The following CCDC188 variants were observed in gnomAD, a reference collection of about 807,000 sequenced individuals.
CCDC188 encodes coiled-coil domain containing 188, also known as coiled-coil domain-containing protein 188.
CCDC188 carries 37 observed loss-of-function variants against 50.7 expected under a neutral mutation model. The observed-to-expected ratio is 0.73, with a 90% CI of 0.56 to 0.96. The LOEUF is 0.96. CCDC188 is among the 40% of genes least tolerant of loss of function. The probability of loss-of-function intolerance (pLI) is 0.00; values close to 1 mark genes in which losing one functional copy is unlikely to be tolerated. For synonymous variants in CCDC188, 208 were observed against 228.0 expected, an observed-to-expected ratio of 0.91 and a Z score of 0.79; for missense variants, 453 against 512.9, an observed-to-expected ratio of 0.88 and a Z score of 1.13.
chr22:20,150,938 A>G lies in CCDC188; in HGVS notation c.49T>C (p.Cys17Arg). 7.8e-7 allele frequency: 1 copy of G among 1,279,814 alleles called. No homozygotes were observed. Among genetic ancestry groups the G allele is most frequent in the Non-Finnish European group, 1.0e-6 (1 of 969,942 alleles). 79.3% of individuals were successfully genotyped at this position (1,279,814 alleles called of 1,614,324 possible). Residue 17 changes from cysteine to arginine, a missense_variant, in exon 1 of 9, where the codon TGT becomes CGT. Cys to Arg is a radical substitution (Grantham distance 180, BLOSUM62 -3). Transcript: ENST00000439765. ...CTGCTGGAGGCTGGGGTTGGGGGAC[A>G]CTGGGGGTGGGGGTGGCCGCAGGGG... Reference protein sequence around the residue: ...LGPCGHPHPQCPPTPASSSHG... With the variant: ...LGPCGHPHPQRPPTPASSSHG...
rs1429825545 is a variant in CCDC188 at position 20,150,605 on chromosome 22, G to A, written c.382C>T (p.Pro128Ser). 42 of 1,545,220 alleles carry A rather than the reference G, an allele frequency of 2.7e-5. No individual in the cohort carries two copies. The East Asian group carries it at 9.6e-4, about 35-fold the overall frequency. ...QGGSIGSGTR[P>S]CPCPPLSREG... is the part of the protein sequence containing the mutation. ...CGTGACAGGGGTGGGCATGGGCAGG[G>A]TCTGGTCCCTGAGCCAATGGATCCC... is the stretch of plus-strand genomic sequence containing the variant. Residue 128 changes from proline (P) to serine (S), a missense_variant, in exon 1 of 9, where the codon CCC (proline) becomes TCC (serine). By Grantham distance (74) the Pro-to-Ser change is moderately conservative. Coordinates refer to ENST00000439765, the MANE Select transcript of CCDC188 (RefSeq NM_001365892.2).
At chr22:20,149,524 C>A (rs9606265) in intron 5 of CCDC188, 48 bp from the exon 6 acceptor site, 1 of 1,549,900 alleles carries the variant, frequency 6.5e-7, no homozygotes, top group South Asian at 1.2e-5. Context: ...CCCCGCCCTC[C>A]GTGGCCTCTC....
At position 20,150,862 on chromosome 22, in the gene CCDC188, C is replaced by T. The variant is rs1381630129; in HGVS notation, c.125G>A (p.Cys42Tyr). The T allele has an allele frequency of 6.0e-6, 9 of 1,512,270 alleles. No individual in the cohort carries two copies. The South Asian group carries it at 7.3e-5, about 12-fold the overall frequency. 93.7% of individuals were successfully genotyped at this position (1,512,270 alleles called of 1,614,324 possible). The change falls in exon 1 of 9, where the codon TGC becomes TAC. Residue 42 changes from cysteine to tyrosine, a missense_variant. Physicochemically the swap from Cys to Tyr is radical, Grantham distance 194 (BLOSUM62 -2). Transcript: ENST00000439765. ...GTGAGCAGAGGAGATGGGGCCCAGG[C>T]AGGGCCACCCTACAAATCCCTGGCA... ...QPCQGFVGWP[C>Y]LGPISSAHSV...
At position 20,150,906 on chromosome 22, in the gene CCDC188, T is replaced by C; in HGVS notation, c.81A>G (p.Gly27=). The C allele has an allele frequency of 7.6e-7, 1 of 1,315,574 alleles. No individual in the cohort carries two copies. Among genetic ancestry groups the C allele is most frequent in the Non-Finnish European group, 1.0e-6 (1 of 992,274 alleles). The allele number at this position is 1,315,574 out of a possible 1,614,324, so 81.5% of individuals were successfully genotyped here. ...CPPTPASSSH[G]GGLDQPCQGF... ...CCTGGCAGGGCTGGTCCAGGCCTCC[T>C]CCATGGCTGCTGGAGGCTGGGGTTG... The change falls in exon 1 of 9, where the codon GGA becomes GGG. Residue 27 remains glycine, a synonymous_variant. Transcript: ENST00000439765.
In CCDC188 at chr22:20,150,015, A is replaced by G; in HGVS notation, c.672T>C (p.Pro224=). The change falls in exon 3 of 9, where the codon CCT becomes CCC. Residue 224 remains proline (P), a synonymous_variant. Transcript: ENST00000439765. ...ACAGCTCCCGCCGCAGCAGCTGCAG[A>G]GGTGCCCTGTTCCCCAAGGGCTGCG... is the stretch of plus-strand genomic sequence containing the variant. ...AGTQPLGNRA[P]LQLLRRELCQ... is the part of the protein sequence containing the mutation. 1 of 1,548,342 alleles carries G rather than the reference A, an allele frequency of 6.5e-7. No individual in the cohort carries two copies.
In CCDC188 at chr22:20,149,405, G is replaced by A. The variant is rs184034836; in HGVS notation, c.914+7C>T. On this transcript the variant is annotated splice_region_variant and intron_variant, in intron 6 of 8. Transcript: ENST00000439765. ...CTCAGCTGGCCCGGCCCCTGCCCCC[G>A]TGTTACCTGAGAATCTCCAGCTGGA... The A allele has an allele frequency of 2.6e-5, 40 of 1,550,216 alleles. No individual in the cohort carries two copies. Among genetic ancestry groups the A allele is most frequent in the East Asian group, 1.5e-4 (6 of 40,896 alleles).
chr22:20,149,368 T>G, intron 6 of CCDC188, 44 bp downstream of exon 6: 1 of 1,549,202 alleles, frequency 6.5e-7, no homozygotes, highest in Non-Finnish European at 8.7e-7. Flanking sequence ...CAGGACACCT[T>G]CTGAGACCCT....
At chr22:20,149,111 T>C (rs2050569271) in intron 7 of CCDC188, 76 bp downstream of exon 7, 93 of 1,328,278 alleles carry the variant, frequency 7.0e-5, no homozygotes, top group Non-Finnish European at 9.4e-5. Context: ...CTGGAGCCCA[T>C]TTCTCCCTCT....
Position 20,149,517 on chromosome 22 carries a change from C to T in CCDC188, c.850-41G>A, listed in dbSNP as rs188618950. ...GGTAAGCACAGCAGGCCCCTCGCCC[C>T]GCCCTCCGTGGCCTCTCGCCCGCCG... is the stretch of plus-strand genomic sequence containing the variant. On this transcript the variant is annotated intron_variant, in intron 5 of 8. Coordinates refer to ENST00000439765, the MANE Select transcript of CCDC188 (RefSeq NM_001365892.2). The T allele has an allele frequency of 6.1e-5, 94 of 1,549,918 alleles. No individual in the cohort carries two copies. In the East Asian group the frequency reaches 8.1e-4, roughly 13 times the overall value.
rs1253160794 is a variant in CCDC188 at position 20,150,143 on chromosome 22, C to T, written c.627G>A (p.Trp209Ter). The change falls in exon 2 of 9, where the codon TGG (tryptophan) becomes TGA (stop). Residue 209 changes from tryptophan (W) to a stop codon, truncating the protein, a stop_gained and splice_region_variant. Coordinates refer to ENST00000439765, the MANE Select transcript of CCDC188 (RefSeq NM_001365892.2). LOFTEE classifies it high-confidence loss of function. ...TGGGGTCCCTGGGCCCTGTATTTAC[C>T]CAGGCCAGAGCAGTGCAGCTTGAGT... Reference protein sequence around the residue: ...PEHSSCTALAWPPDPAGTQPL... With the variant: ...PEHSSCTALA 1.9e-5 allele frequency: 29 copies of T among 1,545,342 alleles called. No individual in the cohort carries two copies. The highest frequency in any genetic ancestry group is 2.4e-5 in the Non-Finnish European group (28 of 1,143,476).
In CCDC188 at chr22:20,150,603, G is replaced by A. The variant is rs1053125423; in HGVS notation, c.384C>T (p.Pro128=). 62 of 1,544,762 alleles carry A rather than the reference G, an allele frequency of 4.0e-5. No homozygotes were observed. The highest frequency in any genetic ancestry group is 5.2e-5 in the Non-Finnish European group (59 of 1,143,042). Residue 128 remains proline, a synonymous_variant, in exon 1 of 9, where the codon CCC becomes CCT. Coordinates refer to ENST00000439765, the MANE Select transcript of CCDC188 (RefSeq NM_001365892.2). ...QGGSIGSGTR[P]CPCPPLSREG... is the part of the protein sequence containing the mutation. The stretch of plus-strand genomic sequence containing the variant: ...CCCGTGACAGGGGTGGGCATGGGCA[G>A]GGTCTGGTCCCTGAGCCAATGGATC...
In CCDC188 at chr22:20,150,027, C is replaced by G. The variant is rs772265459; in HGVS notation, c.660G>C (p.Gly220=). 5 of 1,548,240 alleles carry G rather than the reference C, an allele frequency of 3.2e-6. No homozygotes were observed. Among genetic ancestry groups the G allele is most frequent in the Non-Finnish European group, 2.6e-6 (3 of 1,146,572 alleles). The change falls in exon 3 of 9, where the codon GGG becomes GGC. Residue 220 remains glycine, a synonymous_variant. Transcript: ENST00000439765. ...GCAGCAGCTGCAGAGGTGCCCTGTT[C>G]CCCAAGGGCTGCGTGCCAGCCGGGT... ...PPDPAGTQPL[G]NRAPLQLLRR...
Position 20,150,919 on chromosome 22 carries a change from G to A in CCDC188, c.68C>T (p.Ser23Phe). The change falls in exon 1 of 9, where the codon TCC becomes TTC. Residue 23 changes from serine (S) to phenylalanine (F), a missense_variant. Transcript: ENST00000439765. ...GTCCAGGCCTCCTCCATGGCTGCTGGAGGCTGGGGTTGGGGGACACTGGGG... is the reference window on the plus strand; with the variant it reads ...GTCCAGGCCTCCTCCATGGCTGCTGAAGGCTGGGGTTGGGGGACACTGGGG... ...PHPQCPPTPASSSHGGGLDQP... is the reference protein window; with the variant it reads ...PHPQCPPTPAFSSHGGGLDQP... 2 of 1,426,992 alleles carry A rather than the reference G, an allele frequency of 1.4e-6. No individual in the cohort carries two copies. Among genetic ancestry groups the A allele is most frequent in the Non-Finnish European group, 1.8e-6 (2 of 1,081,688 alleles). The allele number at this position is 1,426,992 out of a possible 1,614,324, so 88.4% of individuals were successfully genotyped here. A position where few individuals can be genotyped will look rare whatever the true frequency, so the allele number is the denominator to read the frequency against.
In CCDC188 at chr22:20,149,847, C is replaced by T. The variant is rs192995131; in HGVS notation, c.733-67G>A. 2.1e-5 allele frequency: 31 copies of T among 1,482,804 alleles called. No individual in the cohort carries two copies. In the East Asian group the frequency reaches 7.7e-4, roughly 37 times the overall value. The allele number at this position is 1,482,804 out of a possible 1,614,324, so 91.9% of individuals were successfully genotyped here. ...GGTGGCCAGTACCTCCCCGCTGGGC[C>T]CACTGGCCTACTGCACGAAGACCTC... On this transcript the variant is annotated intron_variant, in intron 3 of 8. Coordinates refer to ENST00000439765, the MANE Select transcript of CCDC188 (RefSeq NM_001365892.2).
In CCDC188 at chr22:20,150,257, T is replaced by C. The variant is rs1490911177; in HGVS notation, c.520-7A>G. 3.5e-6 allele frequency: 5 copies of C among 1,430,316 alleles called. No homozygotes were observed. Among genetic ancestry groups the C allele is most frequent in the Non-Finnish European group, 2.8e-6 (3 of 1,076,448 alleles). 88.6% of individuals were successfully genotyped at this position (1,430,316 alleles called of 1,614,324 possible). On this transcript the variant is annotated splice_region_variant and splice_polypyrimidine_tract_variant and intron_variant, in intron 1 of 8. Coordinates refer to ENST00000439765, the MANE Select transcript of CCDC188 (RefSeq NM_001365892.2). ...GTTCCTGATTCTGCCTTTTCTGGGG[T>C]GGGGGGCAGAGAGAGGGGGCTGCCT... is the stretch of plus-strand genomic sequence containing the variant.
Position 20,148,939 on chromosome 22 carries a change from C to T in CCDC188, c.973-15G>A. The T allele has an allele frequency of 6.7e-7, 1 of 1,490,272 alleles. No individual in the cohort carries two copies. The highest frequency in any genetic ancestry group is 8.9e-7 in the Non-Finnish European group (1 of 1,118,890). The allele number at this position is 1,490,272 out of a possible 1,614,324, so 92.3% of individuals were successfully genotyped here. On this transcript the variant is annotated splice_polypyrimidine_tract_variant and intron_variant, in intron 7 of 8. Coordinates refer to ENST00000439765, the MANE Select transcript of CCDC188 (RefSeq NM_001365892.2). ...GGCCTCCCTTTCTGTCGGGGAGGGGCTGGATCAGAGCCCACCCCGAGTGTC... is the reference window on the plus strand; with the variant it reads ...GGCCTCCCTTTCTGTCGGGGAGGGGTTGGATCAGAGCCCACCCCGAGTGTC...
chr22:20,150,689 C>T lies in CCDC188; in HGVS notation c.298G>A (p.Gly100Arg). Residue 100 changes from glycine to arginine, a missense_variant, in exon 1 of 9, where the codon GGG (glycine) becomes AGG (arginine). Transcript: ENST00000439765. ...EGPRQGDLEAGLGWGWPLHPG... is the reference protein window; with the variant it reads ...EGPRQGDLEARLGWGWPLHPG... ...TGCAGGGGCCAGCCCCACCCAAGCC[C>T]TGCCTCCAGGTCTCCTTGTCTCGGC... 6.5e-7 allele frequency: 1 copy of T among 1,549,966 alleles called. No individual in the cohort carries two copies. The highest frequency in any genetic ancestry group is 8.7e-7 in the Non-Finnish European group (1 of 1,146,666).
rs73877147 is a variant in CCDC188, at chr22:20,149,613, T to C, written c.817A>G (p.Met273Val). The change falls in exon 5 of 9, where the codon ATG (methionine) becomes GTG (valine). Residue 273 changes from methionine (M) to valine (V), a missense_variant. By Grantham distance (21) the Met-to-Val change is conservative (BLOSUM62 1). Transcript: ENST00000439765. The part of the protein sequence containing the change: ...EVWDNVAEMH[M>V]ALNNQATGLL... ...CCGGTGGCCTGGTTGTTCAGGGCCATGTGCATCTCAGCCACGTTGTCCCAC... is the reference window on the plus strand; with the variant it reads ...CCGGTGGCCTGGTTGTTCAGGGCCACGTGCATCTCAGCCACGTTGTCCCAC... The C allele has an allele frequency of 7.1e-6, 11 of 1,550,030 alleles. No homozygotes were observed. The highest frequency in any genetic ancestry group is 3.3e-4 in the Middle Eastern group (2 of 6,014).
intron 7 of CCDC188, 23 bp from the exon 8 acceptor site, chr22:20,148,947 G>C: frequency 6.8e-7 from 1 of 1,475,346 alleles, no homozygotes; most frequent in Non-Finnish European, 9.0e-7. Context: ...GGCTGGATCA[G>C]AGCCCACCCC....
Sources: gnomAD v4.1 joint callset for allele counts on GRCh38, gnomAD v4.1.1 for gene constraint, MANE v1.5 for transcripts, NCBI Gene and HGNC (gene_info 2026-07-23, HGNC 2026-07-21) for gene names.